RBFOX1: variants seen among roughly 807,000 people sequenced by gnomAD.
RBFOX1 encodes the protein RNA binding fox-1 homolog 1.
Under a neutral mutation model 57.7 loss-of-function variants are expected in RBFOX1, and 8 were observed. The observed-to-expected ratio is 0.14, with a 90% CI of 0.08 to 0.25. The LOEUF (loss-of-function observed/expected upper bound fraction) is 0.25. Ranked by LOEUF, RBFOX1 falls within the 10% of genes least tolerant of loss-of-function variation. The pLI, the probability that RBFOX1 is intolerant of heterozygous loss-of-function variation, is 1.00. For missense variants in RBFOX1, 611 were observed against 548.5 expected (o/e 1.11, Z -1.14); for synonymous variants, 326 against 222.4 (o/e 1.47, Z -4.15).
chr16:5,892,248 G>C (rs1045789581), intron 4 of RBFOX1, among the ~76,000 whole-genome samples: 3 of 152,204 alleles, frequency 2.0e-5, no homozygotes, highest in African/African-American at 7.2e-5. Context: ...TTTGAGAAGA[G>C]ACTTGGCGGG....
intron 2 of RBFOX1, among the ~76,000 whole-genome samples, chr16:6,477,882 C>T (rs1314223321): frequency 1.3e-5 from 2 of 152,186 alleles, no homozygotes; most frequent in Admixed American, 6.5e-5. Context: ...GCCATTTCAC[C>T]TTCCACTTGC....
intron 3 of RBFOX1, among the ~76,000 whole-genome samples, chr16:7,030,019 T>A (rs1319583323): frequency 1.3e-5 from 2 of 152,150 alleles, no homozygotes; most frequent in East Asian, 3.9e-4. Context: ...GATCCCTTTA[T>A]GGGAAAAGTG....
chr16:7,531,175 C>G (rs748708438), intron 5 of RBFOX1, among the ~76,000 whole-genome samples: 3 of 152,082 alleles, frequency 2.0e-5, no homozygotes, highest in Non-Finnish European at 4.4e-5. Context: ...TCATACAATC[C>G]AAACAATATG....
chr16:5,998,418 CAG>C (rs1191193356), intron 4 of RBFOX1, among the ~76,000 whole-genome samples: 1 of 152,194 alleles, frequency 6.6e-6, no homozygotes, highest in Non-Finnish European at 1.5e-5. Context: ...TAGTTTAAAT[CAG>C]ATATTGGGGG....
At chr16:6,579,054 CAAAT>C (rs2097492301) in intron 2 of RBFOX1, among the ~76,000 whole-genome samples, 1 of 151,924 alleles carries the variant, frequency 6.6e-6, no homozygotes, top group Non-Finnish European at 1.5e-5. Flanking sequence ...ATAAAAATAA[CAAAT>C]AATTTTTGAA....
chr16:7,392,987 C>T (rs1025906945), intron 4 of RBFOX1, among the ~76,000 whole-genome samples: 2 of 152,140 alleles, frequency 1.3e-5, no homozygotes, highest in African/African-American at 4.8e-5. Flanking sequence ...GATTTTCCTG[C>T]TTCAGCCTCC....
intron 4 of RBFOX1, chr16:7,126,321 G>T (rs889628957): frequency 2.0e-5 from 6 of 299,690 alleles, no homozygotes; most frequent in African/African-American, 1.1e-4. Flanking sequence ...GGGTCATGGG[G>T]CAGCACCCGC....
At chr16:7,169,007 A>T (rs972946999) in intron 4 of RBFOX1, among the ~76,000 whole-genome samples, 1 of 152,208 alleles carries the variant, frequency 6.6e-6, no homozygotes, top group African/African-American at 2.4e-5. Flanking sequence ...AAACTATAGC[A>T]CAGAAATATA....
At chr16:5,556,248 C>G (rs188292577) in intron 2 of RBFOX1, among the ~76,000 whole-genome samples, 240 of 152,266 alleles carry the variant, frequency 1.6e-3, no homozygotes, top group Non-Finnish European at 2.8e-3. Flanking sequence ...TGCTTTAAGG[C>G]TAATTCCAAG....
intron 2 of RBFOX1, among the ~76,000 whole-genome samples, chr16:5,556,230 C>A (rs2151094832): frequency 6.6e-6 from 1 of 152,316 alleles, no homozygotes; most frequent in South Asian, 2.1e-4. Context: ...ATTAATGAGG[C>A]TTTGCTTTGC....
At chr16:7,417,493 C>T (rs890242502) in intron 4 of RBFOX1, among the ~76,000 whole-genome samples, 1 of 151,430 alleles carries the variant, frequency 6.6e-6, no homozygotes. Context: ...TCCAATGCAT[C>T]CGCCTTATTC....
intron 3 of RBFOX1, among the ~76,000 whole-genome samples, chr16:6,838,761 C>G (rs1157054421): frequency 2.6e-5 from 4 of 152,144 alleles, no homozygotes; most frequent in Non-Finnish European, 2.9e-5. Flanking sequence ...CCAGGGGTCT[C>G]AATTAGTGTC....
At chr16:5,321,321 C>CT (rs869180571) in intron 1 of RBFOX1, among the ~76,000 whole-genome samples, 15 of 62,756 alleles carry the variant, frequency 2.4e-4, no homozygotes, top group Admixed American at 4.4e-4. Flanking sequence ...TAAGAGATAA[C>CT]TTTTGTTTTT....
At chr16:6,926,007 C>G (rs12599117) in intron 3 of RBFOX1, among the ~76,000 whole-genome samples, 24,765 of 152,020 alleles carry the variant, frequency 0.16, 2,124 homozygotes, top group Non-Finnish European at 0.2. Flanking sequence ...TCTGTCTATG[C>G]TCAAAAACCT....
At chr16:7,537,781 C>T (rs1181011754) in intron 5 of RBFOX1, among the ~76,000 whole-genome samples, 1 of 152,160 alleles carries the variant, frequency 6.6e-6, no homozygotes, top group African/African-American at 2.4e-5. Context: ...CGCCTCCACC[C>T]CAGTGCAGAT....
intron 4 of RBFOX1, among the ~76,000 whole-genome samples, chr16:7,380,420 ACT>A (rs1236907745): frequency 6.6e-6 from 1 of 152,300 alleles, no homozygotes; most frequent in African/African-American, 2.4e-5. Context: ...TATGTCTATG[ACT>A]CTGTTACCAC....
intron 1 of RBFOX1, among the ~76,000 whole-genome samples, chr16:5,278,430 C>G (rs537030167): frequency 3.3e-5 from 5 of 152,290 alleles, no homozygotes; most frequent in East Asian, 1.9e-4. Flanking sequence ...GAACTCTTTG[C>G]CCATCACTAT....
At chr16:6,578,683 G>A (rs895532887) in intron 2 of RBFOX1, among the ~76,000 whole-genome samples, 2 of 149,974 alleles carry the variant, frequency 1.3e-5, no homozygotes, top group African/African-American at 2.4e-5. Flanking sequence ...CCCAGAGAGA[G>A]AGAAACAGAG....
chr16:6,964,692 T>A (rs8058271), intron 3 of RBFOX1, among the ~76,000 whole-genome samples: 96,363 of 152,152 alleles, frequency 0.63, 30,589 homozygotes, highest in African/African-American at 0.65. Flanking sequence ...CAAAAGCTGA[T>A]ATCACAAAGG....
Sources: allele counts gnomAD v4.1 joint callset (sites outside exome capture counted in the v4.1 genomes callset), GRCh38; gene constraint gnomAD v4.1.1; transcripts MANE v1.5; gene names NCBI Gene and HGNC (gene_info 2026-07-23, HGNC 2026-07-21).